FUBP3: variants seen among roughly 807,000 people sequenced by gnomAD.
The protein encoded by FUBP3 is far upstream element binding protein 3.
FUBP3 carries 28 observed loss-of-function variants against 85.6 expected under a neutral mutation model. The observed-to-expected ratio is 0.33, with a 90% CI of 0.24 to 0.45. FUBP3 has a LOEUF of 0.45. Among genes scored for constraint, FUBP3 ranks in the 20% least tolerant of loss-of-function variants. The pLI, the probability that FUBP3 is intolerant of heterozygous loss-of-function variation, is 1.00. For missense variants in FUBP3, 583 were observed against 755.1 expected, an observed-to-expected ratio of 0.77 and a Z score of 2.67; for synonymous variants, 271 against 271.4, an observed-to-expected ratio of 1.00 and a Z score of 0.01.
intron 2 of FUBP3, among the ~76,000 whole-genome samples, chr9:130,597,163 TC>T (rs1359704155): frequency 3.3e-5 from 5 of 152,182 alleles, no homozygotes; most frequent in Non-Finnish European, 7.3e-5. Context: ...TTTGTCTTTC[TC>T]CGCCTGGCTT....
intron 11 of FUBP3, among the ~76,000 whole-genome samples, chr9:130,625,825 T>G (rs907311544): frequency 3.3e-5 from 5 of 152,194 alleles, no homozygotes; most frequent in Non-Finnish European, 5.9e-5. Flanking sequence ...CTGCTGCTGC[T>G]TGGGGGCACA....
chr9:130,605,141 A>G (rs1312350382), intron 2 of FUBP3, among the ~76,000 whole-genome samples: 1 of 152,372 alleles, frequency 6.6e-6, no homozygotes, highest in East Asian at 1.9e-4. Context: ...GCTTAGGGCT[A>G]TGAATATACT....
intron 1 of FUBP3, among the ~76,000 whole-genome samples, chr9:130,591,580 G>A (rs183573888): frequency 5.3e-5 from 8 of 152,242 alleles, no homozygotes; most frequent in East Asian, 1.9e-4. Flanking sequence ...AGCCTACACC[G>A]TAGTATAAAT....
intron 2 of FUBP3, among the ~76,000 whole-genome samples, chr9:130,597,512 A>T (rs1830932082): frequency 6.6e-6 from 1 of 152,178 alleles, no homozygotes; most frequent in Non-Finnish European, 1.5e-5. Context: ...TAAACTTTTC[A>T]TCACGCCATC....
At chr9:130,624,295 T>C (rs1233772372) in intron 11 of FUBP3, among the ~76,000 whole-genome samples, 1 of 152,194 alleles carries the variant, frequency 6.6e-6, no homozygotes, top group African/African-American at 2.4e-5. Context: ...AACCTCTGGG[T>C]CTGGTGTTCC....
intron 2 of FUBP3, 149 bp downstream of exon 2, chr9:130,595,737 A>C: frequency 1.6e-6 from 1 of 635,010 alleles, no homozygotes; most frequent in Non-Finnish European, 2.9e-6. Context: ...GATTTTTCTC[A>C]GCAGTTCTTC....
At chr9:130,623,969 G>A (rs1829863996) in intron 11 of FUBP3, among the ~76,000 whole-genome samples, 1 of 152,096 alleles carries the variant, frequency 6.6e-6, no homozygotes, top group Non-Finnish European at 1.5e-5. Context: ...AACCATGTGG[G>A]GAAATACCAT....
At chr9:130,604,519 T>C (rs1187479861) in intron 2 of FUBP3, among the ~76,000 whole-genome samples, 1 of 152,204 alleles carries the variant, frequency 6.6e-6, no homozygotes, top group Non-Finnish European at 1.5e-5. Context: ...TCTGAGCCTG[T>C]GTTTCCTCAT....
At position 130,626,522 on chromosome 9, in the gene FUBP3, G is replaced by A. The variant is rs769857479; in HGVS notation, c.1117+17G>A. ...TAGGCAAAGGTAAGAGGCAGCTGGGGTTTCACATCCCCCCTCAGCTGTTTG... is the reference window on the plus strand; with the variant it reads ...TAGGCAAAGGTAAGAGGCAGCTGGGATTTCACATCCCCCCTCAGCTGTTTG... On this transcript the variant is annotated intron_variant, in intron 12 of 18. Coordinates refer to ENST00000319725, the MANE Select transcript of FUBP3 (RefSeq NM_003934.2). The A allele has an allele frequency of 1.2e-6, 2 of 1,612,404 alleles. No homozygotes were observed. Among genetic ancestry groups the A allele is most frequent in the East Asian group, 2.2e-5 (1 of 44,856 alleles).
intron 1 of FUBP3, chr9:130,581,854 T>C (rs761911666): frequency 4.6e-5 from 7 of 152,216 alleles, no homozygotes; most frequent in Non-Finnish European, 1.0e-4. Flanking sequence ...TAGCAGATCG[T>C]AATACTCTCA....
intron 2 of FUBP3, among the ~76,000 whole-genome samples, chr9:130,605,631 G>A (rs1056405827): frequency 6.6e-6 from 1 of 152,246 alleles, no homozygotes; most frequent in South Asian, 2.1e-4. Context: ...AAAGCACCTA[G>A]TGTGGCTGGG....
Position 130,616,580 on chromosome 9 carries a change from C to T in FUBP3, c.567+63C>T. On this transcript the variant is annotated intron_variant, in intron 7 of 18. Transcript: ENST00000319725. The surrounding 1 kb of genome is among the most constrained non-coding windows in gnomAD (Gnocchi z 4.7). ...GCAGCAGGTCTTCAGCTTCCTGGCC[C>T]AGGAGATCTGCTTACGGCTGGCATT... 1 of 1,498,510 alleles carries T rather than the reference C, an allele frequency of 6.7e-7. No individual in the cohort carries two copies. Among genetic ancestry groups the T allele is most frequent in the Middle Eastern group, 1.9e-4 (1 of 5,328 alleles). 92.8% of individuals were successfully genotyped at this position (1,498,510 alleles called of 1,614,324 possible).
intron 1 of FUBP3, among the ~76,000 whole-genome samples, chr9:130,591,608 A>G (rs1180228447): frequency 6.6e-6 from 1 of 152,158 alleles, no homozygotes; most frequent in Non-Finnish European, 1.5e-5. Context: ...ATACATTGTA[A>G]TGTTGAACTC....
intron 13 of FUBP3, chr9:130,631,079 TC>T (rs1018167920): frequency 9.5e-7 from 1 of 1,057,250 alleles, no homozygotes. Flanking sequence ...GGCGGCAGCC[TC>T]CCCCCACGCT....
chr9:130,609,716 G>T (rs1404749329), intron 2 of FUBP3, among the ~76,000 whole-genome samples: 1 of 152,244 alleles, frequency 6.6e-6, no homozygotes, highest in Non-Finnish European at 1.5e-5. Flanking sequence ...TGGACACACA[G>T]ATCAATTTCT....
chr9:130,628,915 A>G (rs529764777), intron 12 of FUBP3, among the ~76,000 whole-genome samples: 1 of 152,076 alleles, frequency 6.6e-6, no homozygotes, highest in Non-Finnish European at 1.5e-5. Flanking sequence ...GATTACAGGC[A>G]TGCGCCACCA....
chr9:130,610,590 A>G (rs534434635), intron 3 of FUBP3, among the ~76,000 whole-genome samples: 149 of 152,352 alleles, frequency 9.8e-4, no homozygotes, highest in African/African-American at 3.3e-3. Flanking sequence ...ACAAAGGCCA[A>G]TCTGTAAGAT....
At chr9:130,613,393 T>C (rs1831848719) in intron 5 of FUBP3, among the ~76,000 whole-genome samples, 2 of 152,190 alleles carry the variant, frequency 1.3e-5, no homozygotes. Flanking sequence ...ACTACATGCA[T>C]CAGGGGAGGC....
chr9:130,592,694 C>A (rs920356351), intron 1 of FUBP3, among the ~76,000 whole-genome samples: 6 of 152,018 alleles, frequency 3.9e-5, no homozygotes, highest in Non-Finnish European at 8.8e-5. Flanking sequence ...CAGGAATGCA[C>A]CACCACGCAC....
Sources: gnomAD v4.1 joint callset for allele counts (sites outside exome capture counted in the v4.1 genomes callset) on GRCh38, gnomAD v4.1.1 for gene constraint, Gnocchi (gnomAD v3.1) non-coding constraint, MANE v1.5 for transcripts, NCBI Gene and HGNC (gene_info 2026-07-23, HGNC 2026-07-21) for gene names.